ANKS1B: variants seen among roughly 807,000 people sequenced by gnomAD.
ANKS1B encodes the protein ankyrin repeat and sterile alpha motif domain-containing protein 1B.
A neutral mutation model predicts 148.3 loss-of-function variants in ANKS1B; 36 were observed. That is an observed-to-expected ratio of 0.24 (90% confidence interval 0.19 to 0.32). The LOEUF is 0.32. Among genes scored for constraint, ANKS1B ranks in the 10% least tolerant of loss-of-function variants. ANKS1B has a pLI of 1.00. For synonymous variants in ANKS1B, 542 were observed against 560.8 expected (o/e 0.97, Z 0.47); for missense variants, 1,157 against 1,542.6 (o/e 0.75, Z 4.19).
intron 12 of ANKS1B, among the ~76,000 whole-genome samples, chr12:99,353,053 T>C (rs970190700): frequency 6.6e-6 from 1 of 152,014 alleles, no homozygotes; most frequent in Non-Finnish European, 1.5e-5. Context: ...TACACAAAAC[T>C]GAATCACATT....
At position 99,515,008 on chromosome 12, in the gene ANKS1B, T is replaced by TAA. The variant is rs36077584; in HGVS notation, c.1273-10369_1273-10368dup. ...TTCTTGACATTTGGCCTCTATCATTTAAAAAAAAAAAAACTTTTAAATATG... is the reference window on the plus strand; with the variant it reads ...TTCTTGACATTTGGCCTCTATCATTTAAAAAAAAAAAAAAACTTTTAAATATG... On this transcript the variant is annotated intron_variant, in intron 9 of 26. Transcript: ENST00000683438. Among the ~76,000 whole-genome samples, 716 of 144,360 alleles carry TAA rather than the reference T, an allele frequency of 5.0e-3. 30 individuals are homozygous for TAA. In the South Asian group the frequency reaches 0.072, roughly 14 times the overall value. The allele number at this position is 144,360 out of a possible 152,430, so 94.7% of individuals were successfully genotyped here.
chr12:99,126,505 CCCCACCTTA>C (rs1403432215), intron 15 of ANKS1B, among the ~76,000 whole-genome samples: 3 of 152,102 alleles, frequency 2.0e-5, no homozygotes, highest in Non-Finnish European at 4.4e-5. Flanking sequence ...CTCCCCCTCC[CCCCACCTTA>C]CCCTGCTCTG....
At chr12:98,772,894 G>T in intron 25 of ANKS1B, 148 bp downstream of exon 25, 2 of 815,444 alleles carry the variant, frequency 2.5e-6, no homozygotes, top group Non-Finnish European at 1.8e-6. Flanking sequence ...CTTTGTTATG[G>T]CAGCCCTAGC....
At chr12:99,441,336 C>T (rs1302718354) in intron 11 of ANKS1B, among the ~76,000 whole-genome samples, 1 of 151,834 alleles carries the variant, frequency 6.6e-6, no homozygotes, top group Non-Finnish European at 1.5e-5. Flanking sequence ...ATCCATCCAT[C>T]CATCCTCTAT....
exon 10 of ANKS1B, chr12:98,735,530 CT>C: frequency 1.4e-6 from 1 of 733,860 alleles, no homozygotes. Flanking sequence ...TCTATTTAGG[CT>C]TTATCAGCTA....
intron 1 of ANKS1B, among the ~76,000 whole-genome samples, chr12:99,912,146 T>C (rs2094023227): frequency 6.6e-6 from 1 of 152,032 alleles, no homozygotes; most frequent in Non-Finnish European, 1.5e-5. Context: ...ACAGAGAAAA[T>C]GTTTGATTTA....
At position 99,014,243 on chromosome 12, in the gene ANKS1B, G is replaced by A. The variant is rs151088908; in HGVS notation, c.2778+38914C>T. Among the ~76,000 whole-genome samples, 15 of 152,140 alleles carry A rather than the reference G, an allele frequency of 9.9e-5. No homozygotes were observed. In the East Asian group the frequency reaches 2.9e-3, roughly 29 times the overall value. On this transcript the variant is annotated intron_variant, in intron 17 of 26. Coordinates refer to ENST00000683438, the MANE Select transcript of ANKS1B (RefSeq NM_001352186.2). Reference sequence around the variant, plus strand: ...GCACACCTACAACTATCTGATCTTCGACAAACCTGACAAAAACAAACAATG... The same window carrying A: ...GCACACCTACAACTATCTGATCTTCAACAAACCTGACAAAAACAAACAATG...
At position 99,805,453 on chromosome 12, in the gene ANKS1B, A is replaced by T. The variant is rs559340983; in HGVS notation, c.669+951T>A. ...AGCCTGAGCAACAGAGCAAGACCTCATCTCTACAAAAAATACAAAACTTAG... is the reference window on the plus strand; with the variant it reads ...AGCCTGAGCAACAGAGCAAGACCTCTTCTCTACAAAAAATACAAAACTTAG... On this transcript the variant is annotated intron_variant, in intron 4 of 26. Coordinates refer to ENST00000683438, the MANE Select transcript of ANKS1B (RefSeq NM_001352186.2). Among the ~76,000 whole-genome samples, 14 of 151,606 alleles carry T rather than the reference A, an allele frequency of 9.2e-5. No individual in the cohort carries two copies. The East Asian group carries it at 2.7e-3, about 30-fold the overall frequency.
chr12:99,179,288 G>T (rs1426623973), intron 14 of ANKS1B, among the ~76,000 whole-genome samples: 1 of 151,810 alleles, frequency 6.6e-6, no homozygotes, highest in East Asian at 1.9e-4. Flanking sequence ...AATTAGCCGG[G>T]CGTGGTGGCG....
chr12:99,185,351 G>C (rs1230357201), intron 14 of ANKS1B, among the ~76,000 whole-genome samples: 1 of 152,198 alleles, frequency 6.6e-6, no homozygotes, highest in African/African-American at 2.4e-5. Flanking sequence ...GCTCAGAGGT[G>C]ATAATCTCTG....
In ANKS1B at chr12:99,592,318, A is replaced by T. The variant is rs1198958683; in HGVS notation, c.1272+62749T>A. ...CAGAACGGAAGGACAGTTCCTTTCT[A>T]AAGTACTACGGTTTGAAGTGAATAG... On this transcript the variant is annotated intron_variant, in intron 9 of 26. Coordinates refer to ENST00000683438, the MANE Select transcript of ANKS1B (RefSeq NM_001352186.2). 4.6e-5 allele frequency among the ~76,000 whole-genome samples: 7 copies of T among 152,082 alleles called. 1 individual carries two copies. The highest frequency in any genetic ancestry group is 1.4e-4 in the African/African-American group (6 of 41,424).
chr12:99,756,388 A>C lies in ANKS1B; in HGVS notation c.1128+16534T>G, dbSNP rs548134737. ...GAATACAGCTAACTAGGGAGGTAAA[A>C]GATTTCTACAAGAACTACAAAACAC... On this transcript the variant is annotated intron_variant, in intron 8 of 26. Transcript: ENST00000683438. Among the ~76,000 whole-genome samples, 4 of 152,116 alleles carry C rather than the reference A, an allele frequency of 2.6e-5. No homozygotes were observed. In the East Asian group the frequency reaches 7.7e-4, roughly 29 times the overall value.
chr12:99,796,497 G>A (rs1457049308), intron 4 of ANKS1B, among the ~76,000 whole-genome samples: 1 of 151,846 alleles, frequency 6.6e-6, no homozygotes, highest in Non-Finnish European at 1.5e-5. Context: ...AAAAGCAGAT[G>A]GAGCAAACCT....
chr12:99,978,900 C>A (rs1272723932), intron 1 of ANKS1B, among the ~76,000 whole-genome samples: 1 of 152,128 alleles, frequency 6.6e-6, no homozygotes, highest in African/African-American at 2.4e-5. Flanking sequence ...TAAAACTCAA[C>A]TCTTCGAGGC....
In ANKS1B at chr12:99,904,240, G is replaced by A. The variant is rs1603449153; in HGVS notation, c.135-78851C>T. Reference sequence around the variant, plus strand: ...GGATTCTTGCTCTGTCACCCAGGCTGGAGTGCAATGGCATGATCTCAGCTC... The same window carrying A: ...GGATTCTTGCTCTGTCACCCAGGCTAGAGTGCAATGGCATGATCTCAGCTC... On this transcript the variant is annotated intron_variant, in intron 1 of 26. Transcript: ENST00000683438. Among the ~76,000 whole-genome samples, 3 of 151,340 alleles carry A rather than the reference G, an allele frequency of 2.0e-5. No homozygotes were observed. The South Asian group carries it at 6.3e-4, about 32-fold the overall frequency.
rs994459093 is a variant in ANKS1B, at chr12:98,796,995, C to A, written c.3342+1939G>T. 3.3e-5 allele frequency among the ~76,000 whole-genome samples: 5 copies of A among 152,164 alleles called. No individual in the cohort carries two copies. The South Asian group carries it at 8.3e-4, about 25-fold the overall frequency. On this transcript the variant is annotated intron_variant, in intron 22 of 26. Transcript: ENST00000683438. ...TAGGCAATACTGATGCTGATTATCA[C>A]ACCGGAGTAGCTGGTCTCAGGTAAT...
intron 11 of ANKS1B, among the ~76,000 whole-genome samples, chr12:99,411,449 A>C (rs2094703518): frequency 6.6e-6 from 1 of 152,140 alleles, no homozygotes; most frequent in African/African-American, 2.4e-5. Flanking sequence ...TATCCAATCC[A>C]CTACTGATGG....
At chr12:98,892,454 G>C (rs578221122) in intron 17 of ANKS1B, among the ~76,000 whole-genome samples, 1 of 152,126 alleles carries the variant, frequency 6.6e-6, no homozygotes, top group Non-Finnish European at 1.5e-5. Flanking sequence ...ACCCTATTTC[G>C]AATATGTAGA....
At chr12:98,782,010 G>C in intron 23 of ANKS1B, 116 bp downstream of exon 23, 1 of 877,630 alleles carries the variant, frequency 1.1e-6, no homozygotes, top group Non-Finnish European at 1.8e-6. Flanking sequence ...CTATAATTTA[G>C]TATGTGCCTT....
Sources: gnomAD v4.1 joint callset for allele counts (sites outside exome capture counted in the v4.1 genomes callset) on GRCh38, gnomAD v4.1.1 for gene constraint, MANE v1.5 for transcripts, NCBI Gene and HGNC (gene_info 2026-07-23, HGNC 2026-07-21) for gene names.